NUDT3: variants seen among roughly 807,000 people sequenced by gnomAD.
NUDT3 encodes nudix hydrolase 3.
NUDT3 carries 9 observed loss-of-function variants against 23.6 expected under a neutral mutation model. That is an observed-to-expected ratio of 0.38 (90% CI 0.23 to 0.66). The LOEUF (loss-of-function observed/expected upper bound fraction) is 0.66, where lower values mean the gene tolerates loss of function less well. Among genes scored for constraint, NUDT3 ranks in the 30% least tolerant of loss-of-function variants. The pLI is 0.52. For synonymous variants in NUDT3, 86 were observed against 82.6 expected (o/e 1.04, Z -0.22); for missense variants, 172 against 218.5 (o/e 0.79, Z 1.34).
At chr6:34,369,273 T>C (rs1017771503) in intron 1 of NUDT3, among the ~76,000 whole-genome samples, 7 of 152,216 alleles carry the variant, frequency 4.6e-5, no homozygotes, top group African/African-American at 1.7e-4. Context: ...TTTTATTTAC[T>C]GGGGGTTAAG....
chr6:34,374,156 CA>C (rs397888346), intron 1 of NUDT3, among the ~76,000 whole-genome samples: 1,584 of 64,716 alleles, frequency 0.024, 19 homozygotes, highest in South Asian at 0.059. Flanking sequence ...GGCTCCCTCT[CA>C]AAAAAAAAAA....
intron 2 of NUDT3, among the ~76,000 whole-genome samples, chr6:34,320,874 A>AAC (rs1182706223): frequency 1.3e-5 from 2 of 152,112 alleles, no homozygotes; most frequent in African/African-American, 4.8e-5. Context: ...ATACAGGAAA[A>AAC]ACACACTTGA....
At chr6:34,388,735 A>G (rs1765149391) in intron 1 of NUDT3, among the ~76,000 whole-genome samples, 1 of 152,230 alleles carries the variant, frequency 6.6e-6, no homozygotes, top group Non-Finnish European at 1.5e-5. Context: ...CGCTGCAGCC[A>G]TAGCAGGCTC....
chr6:34,370,512 G>C (rs1036330764), intron 1 of NUDT3, among the ~76,000 whole-genome samples: 1 of 152,192 alleles, frequency 6.6e-6, no homozygotes, highest in Non-Finnish European at 1.5e-5. Context: ...CAGAAAACTG[G>C]GAAATGAGTA....
In NUDT3 at chr6:34,351,198, TAAAAA is replaced by T. The variant is rs71000051; in HGVS notation, c.100-9231_100-9227del. On this transcript the variant is annotated intron_variant, in intron 1 of 4. Transcript: ENST00000607016. Reference sequence around the variant, plus strand: ...GACCTCGTCTCTACACTCCCCTGCCTAAAAAAAAAAAAAAAAAAAAAAAAAAAACA... The same window carrying T: ...GACCTCGTCTCTACACTCCCCTGCCTAAAAAAAAAAAAAAAAAAAAAAACA... 3.3e-3 allele frequency among the ~76,000 whole-genome samples: 59 copies of T among 17,892 alleles called. 1 individual carries two copies. Among genetic ancestry groups the T allele is most frequent in the East Asian group, 9.1e-3 (5 of 552 alleles). 11.7% of individuals were successfully genotyped at this position (17,892 alleles called of 152,430 possible). A position where few individuals can be genotyped will look rare whatever the true frequency, so the allele number is the denominator to read the frequency against.
intron 1 of NUDT3, among the ~76,000 whole-genome samples, chr6:34,381,291 G>A (rs903122454): frequency 3.3e-5 from 5 of 152,084 alleles, no homozygotes; most frequent in Admixed American, 6.6e-5. Context: ...GGCTAAGATT[G>A]CAGGTGTGAG....
At chr6:34,356,922 C>T (rs565535663) in intron 1 of NUDT3, among the ~76,000 whole-genome samples, 5 of 152,140 alleles carry the variant, frequency 3.3e-5, no homozygotes, top group South Asian at 2.1e-4. Flanking sequence ...GGACTACAGG[C>T]GCCCGCCACC....
At chr6:34,335,932 A>C (rs1764202360) in intron 2 of NUDT3, among the ~76,000 whole-genome samples, 1 of 152,042 alleles carries the variant, frequency 6.6e-6, no homozygotes, top group Non-Finnish European at 1.5e-5. Context: ...TAATAATTTT[A>C]AGTATTTATG....
intron 1 of NUDT3, among the ~76,000 whole-genome samples, chr6:34,342,694 CAGTT>C (rs1764306725): frequency 6.6e-6 from 1 of 152,186 alleles, no homozygotes; most frequent in Admixed American, 6.5e-5. Flanking sequence ...TAAACAAAGT[CAGTT>C]AGACTCCCTG....
At position 34,280,779 on chromosome 6, in the gene NUDT3, G is replaced by C. The variant is rs113500710; in HGVS notation, c.*7974C>G. On this transcript the variant is annotated 3_prime_UTR_variant, in exon 5 of 5. Transcript: ENST00000607016. ...ACAGCAGCAGAGTTCTGGTGGGATA[G>C]AGCAGTCTAGTCTGAGCCACTGTGT... 45 of 152,312 alleles carry C rather than the reference G, an allele frequency of 3.0e-4. No individual in the cohort carries two copies. Among genetic ancestry groups the C allele is most frequent in the African/African-American group, 9.9e-4 (41 of 41,588 alleles). 9.4% of individuals were successfully genotyped at this position (152,312 alleles called of 1,614,324 possible).
At chr6:34,391,866 G>A (rs1765206821) in intron 1 of NUDT3, among the ~76,000 whole-genome samples, 1 of 149,872 alleles carries the variant, frequency 6.7e-6, no homozygotes, top group Admixed American at 6.7e-5. Context: ...CGTGCACGCC[G>A]GCCTCCGCAC....
At chr6:34,322,262 G>A (rs943399821) in intron 2 of NUDT3, among the ~76,000 whole-genome samples, 3 of 149,850 alleles carry the variant, frequency 2.0e-5, no homozygotes, top group South Asian at 2.1e-4. Flanking sequence ...ATGGAGTTTC[G>A]CTCTGTCGCC....
At position 34,351,741 on chromosome 6, in the gene NUDT3, CAA is replaced by C. The variant is rs1017090378; in HGVS notation, c.100-9771_100-9770del. Among the ~76,000 whole-genome samples, 460 of 54,296 alleles carry C rather than the reference CAA, an allele frequency of 8.5e-3. 2 individuals carry two copies. The highest frequency in any genetic ancestry group is 0.029 in the African/African-American group (432 of 14,718). The allele number at this position is 54,296 out of a possible 152,430, so 35.6% of individuals were successfully genotyped here. ...GTGCGACAAGAGTCAAACTCTGTCT[CAA>C]AAAAAAAAAAAAAAAAAAAGAAATA... On this transcript the variant is annotated intron_variant, in intron 1 of 4. Transcript: ENST00000607016.
chr6:34,392,245 G>T lies in NUDT3; in HGVS notation c.99+19C>A. 1 of 1,563,848 alleles carries T rather than the reference G, an allele frequency of 6.4e-7. No homozygotes were observed. On this transcript the variant is annotated intron_variant, in intron 1 of 4. Coordinates refer to ENST00000607016, the MANE Select transcript of NUDT3 (RefSeq NM_006703.4). ...GCCGGAGACCCGGCGACCCCGGCCCGCCCAGCCTGCCGCCTCACCTCCTCC... is the reference window on the plus strand; with the variant it reads ...GCCGGAGACCCGGCGACCCCGGCCCTCCCAGCCTGCCGCCTCACCTCCTCC...
intron 2 of NUDT3, among the ~76,000 whole-genome samples, chr6:34,312,275 G>T (rs936019194): frequency 9.2e-5 from 14 of 151,846 alleles, no homozygotes; most frequent in Non-Finnish European, 2.1e-4. Flanking sequence ...GGTGGTGCGC[G>T]CCTATAATTC....
Position 34,366,441 on chromosome 6 carries a change from A to C in NUDT3, c.100-24469T>G, listed in dbSNP as rs1028898828. The stretch of plus-strand genomic sequence containing the variant: ...AACAGCAAGAGAGAGAAAGAGAGAG[A>C]GAAGGAGAGAGAGAGAGAAAGAGAG... On this transcript the variant is annotated intron_variant, in intron 1 of 4. Coordinates refer to ENST00000607016, the MANE Select transcript of NUDT3 (RefSeq NM_006703.4). 2.3e-5 allele frequency among the ~76,000 whole-genome samples: 3 copies of C among 128,472 alleles called. No homozygotes were observed. The Admixed American group carries it at 2.5e-4, about 11-fold the overall frequency. The allele number at this position is 128,472 out of a possible 152,430, so 84.3% of individuals were successfully genotyped here.
chr6:34,390,507 T>G (rs1765180355), intron 1 of NUDT3, among the ~76,000 whole-genome samples: 1 of 152,058 alleles, frequency 6.6e-6, no homozygotes, highest in East Asian at 1.9e-4. Flanking sequence ...CAAAAATACA[T>G]TTTCTATTTC....
intron 2 of NUDT3, among the ~76,000 whole-genome samples, chr6:34,321,723 C>T (rs1763945502): frequency 6.6e-6 from 1 of 152,082 alleles, no homozygotes; most frequent in South Asian, 2.1e-4. Context: ...ACCAAGGCGC[C>T]CAGGTACTAG....
chr6:34,353,386 T>C (rs1222485934), intron 1 of NUDT3, among the ~76,000 whole-genome samples: 1 of 151,938 alleles, frequency 6.6e-6, no homozygotes, highest in East Asian at 1.9e-4. Flanking sequence ...CCAGCTTCAA[T>C]AACTATCAAT....
Sources: gnomAD v4.1 joint callset for allele counts (sites outside exome capture counted in the v4.1 genomes callset) on GRCh38, gnomAD v4.1.1 for gene constraint, MANE v1.5 for transcripts, NCBI Gene and HGNC (gene_info 2026-07-23, HGNC 2026-07-21) for gene names.